The following PKNOX2 variants were observed in gnomAD, a reference collection of about 807,000 sequenced individuals.
The protein encoded by PKNOX2 is homeobox protein PKNOX2.
Under a neutral mutation model 53.1 loss-of-function variants are expected in PKNOX2, and 14 were observed. The observed-to-expected ratio is 0.26, with a 90% CI of 0.17 to 0.41. The LOEUF is 0.41. Ranked by LOEUF, PKNOX2 falls within the 10% of genes least tolerant of loss-of-function variation. PKNOX2 has a pLI of 1.00. For missense variants in PKNOX2, 496 were observed against 602.8 expected (o/e 0.82, Z 1.85); for synonymous variants, 257 against 242.8 (o/e 1.06, Z -0.54).
chr11:125,269,708 A>G (rs2135783949), intron 2 of PKNOX2, among the ~76,000 whole-genome samples: 1 of 152,326 alleles, frequency 6.6e-6, no homozygotes, highest in Non-Finnish European at 1.5e-5. Context: ...TATCTTCAAT[A>G]GAATGGGGCA....
intron 2 of PKNOX2, among the ~76,000 whole-genome samples, chr11:125,322,931 A>G (rs1196324288): frequency 6.6e-6 from 1 of 152,226 alleles, no homozygotes; most frequent in Non-Finnish European, 1.5e-5. Context: ...GGGATTGGAC[A>G]TGCTTTGGGT....
At chr11:125,250,633 G>T (rs1159908063) in intron 2 of PKNOX2, among the ~76,000 whole-genome samples, 1 of 152,204 alleles carries the variant, frequency 6.6e-6, no homozygotes, top group Non-Finnish European at 1.5e-5. Context: ...TATATCGAGG[G>T]TGTCTAGGCT....
chr11:125,248,092 G>A (rs993859757), intron 2 of PKNOX2, among the ~76,000 whole-genome samples: 7 of 152,092 alleles, frequency 4.6e-5, no homozygotes, highest in African/African-American at 1.2e-4. Context: ...TGTAGCCCTC[G>A]CTCTGCCTGG....
intron 2 of PKNOX2, among the ~76,000 whole-genome samples, chr11:125,239,021 C>T (rs1216894111): frequency 6.6e-6 from 1 of 152,134 alleles, no homozygotes; most frequent in Non-Finnish European, 1.5e-5. Context: ...TGTGCAGGTA[C>T]CTAGAGCCAT....
At chr11:125,223,122 A>G (rs1486909650) in intron 1 of PKNOX2, among the ~76,000 whole-genome samples, 1 of 152,184 alleles carries the variant, frequency 6.6e-6, no homozygotes, top group Non-Finnish European at 1.5e-5. Flanking sequence ...TATCTGGAAC[A>G]TGATTGAGCC....
chr11:125,424,951 A>G (rs925342444), intron 10 of PKNOX2, among the ~76,000 whole-genome samples: 1 of 152,190 alleles, frequency 6.6e-6, no homozygotes, highest in Non-Finnish European at 1.5e-5. Flanking sequence ...GAGAGATGGG[A>G]AAGAGTTGAG....
intron 6 of PKNOX2, among the ~76,000 whole-genome samples, chr11:125,394,283 G>A (rs78801963): frequency 6.6e-6 from 1 of 152,120 alleles, no homozygotes; most frequent in African/African-American, 2.4e-5. Flanking sequence ...TCCACTTTGG[G>A]GTCCAAATGA....
At chr11:125,265,058 G>T (rs1271374982) in intron 2 of PKNOX2, among the ~76,000 whole-genome samples, 2 of 152,170 alleles carry the variant, frequency 1.3e-5, no homozygotes, top group African/African-American at 4.8e-5. Context: ...GGAGGCGAAG[G>T]CGGGCAGATC....
At chr11:125,381,398 G>T (rs112309836) in intron 5 of PKNOX2, among the ~76,000 whole-genome samples, 1 of 152,148 alleles carries the variant, frequency 6.6e-6, no homozygotes, top group African/African-American at 2.4e-5. Context: ...GAGGGTGCCA[G>T]GCCAGTACCT....
chr11:125,199,365 C>T (rs915462580), intron 1 of PKNOX2, among the ~76,000 whole-genome samples: 4 of 152,238 alleles, frequency 2.6e-5, no homozygotes, highest in South Asian at 2.1e-4. Flanking sequence ...AAACATTCCT[C>T]GGTTCTCACC....
intron 1 of PKNOX2, among the ~76,000 whole-genome samples, chr11:125,188,597 ATTGT>A (rs1956595531): frequency 6.6e-6 from 1 of 152,094 alleles, no homozygotes; most frequent in Non-Finnish European, 1.5e-5. Flanking sequence ...TTGGGAGCAA[ATTGT>A]TTGCAGCTCA....
chr11:125,332,196 G>A (rs1042514168), intron 3 of PKNOX2, among the ~76,000 whole-genome samples: 3 of 152,182 alleles, frequency 2.0e-5, no homozygotes, highest in Non-Finnish European at 2.9e-5. Context: ...TGATACAGAT[G>A]GGTGGGGCCT....
At chr11:125,416,003 A>G (rs1317052500) in intron 10 of PKNOX2, among the ~76,000 whole-genome samples, 2 of 152,178 alleles carry the variant, frequency 1.3e-5, no homozygotes, top group Admixed American at 1.3e-4. Context: ...ATTCCACCTC[A>G]ATAGAAAGTG....
chr11:125,215,061 A>G (rs1365098409), intron 1 of PKNOX2, among the ~76,000 whole-genome samples: 1 of 152,020 alleles, frequency 6.6e-6, no homozygotes, highest in Non-Finnish European at 1.5e-5. Flanking sequence ...ATGAAAACAA[A>G]CTTTTGTTGG....
chr11:125,314,585 G>A (rs551245930), intron 2 of PKNOX2, among the ~76,000 whole-genome samples: 1 of 152,108 alleles, frequency 6.6e-6, no homozygotes, highest in East Asian at 1.9e-4. Context: ...AGGGGACAAG[G>A]CTTCGTACTT....
intron 2 of PKNOX2, among the ~76,000 whole-genome samples, chr11:125,312,985 G>T (rs762996622): frequency 2.0e-5 from 3 of 152,212 alleles, no homozygotes; most frequent in South Asian, 2.1e-4. Context: ...TGAAAGGCAG[G>T]GGGGAGGCTG....
intron 7 of PKNOX2, among the ~76,000 whole-genome samples, chr11:125,402,567 G>A (rs1225974508): frequency 1.3e-5 from 2 of 152,174 alleles, no homozygotes. Context: ...GGTCCTGTGA[G>A]AACAGACACA....
intron 1 of PKNOX2, among the ~76,000 whole-genome samples, chr11:125,209,840 C>G (rs1591481773): frequency 6.6e-6 from 1 of 152,066 alleles, no homozygotes; most frequent in Non-Finnish European, 1.5e-5. Flanking sequence ...ACCCTTATAC[C>G]CACCCTGGTG....
rs1192114959 is a variant in PKNOX2 at position 125,432,685 on chromosome 11, A to G, written c.*1293A>G. The G allele has an allele frequency of 6.6e-6, 1 of 152,402 alleles. No individual in the cohort carries two copies. The highest frequency in any genetic ancestry group is 1.5e-5 in the Non-Finnish European group (1 of 68,002). The allele number at this position is 152,402 out of a possible 1,614,324, so 9.4% of individuals were successfully genotyped here. ...CACCCTAACACATACCCTCCCACCC[A>G]CCTTCCAGACCCCCTTGGTTGGCAC... is the stretch of plus-strand genomic sequence containing the variant. On this transcript the variant is annotated 3_prime_UTR_variant, in exon 13 of 13. Coordinates refer to ENST00000298282, the MANE Select transcript of PKNOX2 (RefSeq NM_001382323.2).
Sources: allele counts gnomAD v4.1 joint callset (sites outside exome capture counted in the v4.1 genomes callset), GRCh38; gene constraint gnomAD v4.1.1; transcripts MANE v1.5; gene names NCBI Gene and HGNC (gene_info 2026-07-23, HGNC 2026-07-21).